Variants in DNAH11 observed in about 807,000 individuals in gnomAD.
DNAH11 encodes dynein axonemal heavy chain 11, also known as axonemal beta dynein heavy chain 11.
In DNAH11, 442 loss-of-function variants were observed where a neutral mutation model predicts 526.0. The ratio of observed to expected loss-of-function variants is 0.84; its 90% CI spans 0.78 to 0.91. The LOEUF (loss-of-function observed/expected upper bound fraction) is 0.91. Ranked by LOEUF, DNAH11 falls within the 40% of genes least tolerant of loss-of-function variation. DNAH11 has a pLI of 0.00. For synonymous variants in DNAH11, 2,461 were observed against 1,935.9 expected (o/e 1.27, Z -7.12); for missense variants, 6,989 against 5,448.7 (o/e 1.28, Z -8.90).
At position 21,787,553 on chromosome 7, in the gene DNAH11, C is replaced by G. The variant is rs574242411; in HGVS notation, c.9894C>G (p.Ala3298=). The G allele has an allele frequency of 2.5e-5, 40 of 1,612,194 alleles. No homozygotes were observed. Among genetic ancestry groups the G allele is most frequent in the Non-Finnish European group, 3.2e-5 (38 of 1,179,252 alleles). ...TKSFAAAGLC[A]WVINIIKFYE... ...CTTTTGCAGCAGCTGGCCTGTGTGCCTGGGTCATCAACATCATTAAATTCT... is the reference window on the plus strand; with the variant it reads ...CTTTTGCAGCAGCTGGCCTGTGTGCGTGGGTCATCAACATCATTAAATTCT... Residue 3298 remains alanine, a synonymous_variant, in exon 60 of 82, where the codon GCC becomes GCG. Transcript: ENST00000409508.
In DNAH11 at chr7:21,591,362, G is replaced by A; in HGVS notation, c.2452G>A (p.Ala818Thr). 1 of 1,613,924 alleles carries A rather than the reference G, an allele frequency of 6.2e-7. No individual in the cohort carries two copies. Among genetic ancestry groups the A allele is most frequent in the Non-Finnish European group, 8.5e-7 (1 of 1,179,876 alleles). The change falls in exon 14 of 82, where the codon GCA becomes ACA. Residue 818 changes from alanine to threonine, a missense_variant. Transcript: ENST00000409508. Reference sequence around the variant, plus strand: ...CTGGGGCTACATCGAGAGGGTGAGGGCAGCCACGTCCGAGTTGGAGCACAG... The same window carrying A: ...CTGGGGCTACATCGAGAGGGTGAGGACAGCCACGTCCGAGTTGGAGCACAG... ...DCWGYIERVRAATSELEHRVE... is the reference protein window; with the variant it reads ...DCWGYIERVRTATSELEHRVE...
intron 43 of DNAH11, among the ~76,000 whole-genome samples, chr7:21,718,693 G>A (rs2965413): frequency 0.074 from 11,184 of 152,104 alleles, 1,043 homozygotes; most frequent in East Asian, 0.34. Flanking sequence ...AGAAGTAGAA[G>A]ACTTCATGAA....
At chr7:21,767,171 A>G (rs1384811612) in intron 55 of DNAH11, among the ~76,000 whole-genome samples, 1 of 152,204 alleles carries the variant, frequency 6.6e-6, no homozygotes, top group African/African-American at 2.4e-5. Context: ...GAAGGGTTCA[A>G]AATGCTGCTT....
intron 63 of DNAH11, among the ~76,000 whole-genome samples, chr7:21,814,004 C>G (rs571602998): frequency 5.9e-5 from 9 of 152,290 alleles, no homozygotes; most frequent in African/African-American, 1.9e-4. Context: ...ATGAGACAGC[C>G]TATTACACAC....
intron 61 of DNAH11, among the ~76,000 whole-genome samples, chr7:21,793,860 C>G (rs948238658): frequency 6.6e-6 from 1 of 152,150 alleles, no homozygotes; most frequent in South Asian, 2.1e-4. Context: ...AACAAGCTTT[C>G]TACATCTTGC....
Position 21,880,773 on chromosome 7 carries a change from C to T in DNAH11, c.12267C>T (p.Ala4089=), listed in dbSNP as rs779248595. 6 of 1,613,874 alleles carry T rather than the reference C, an allele frequency of 3.7e-6. No homozygotes were observed. In the African/African-American group the frequency reaches 5.3e-5, roughly 14 times the overall value. Residue 4089 remains alanine (A), a synonymous_variant, in exon 75 of 82, where the codon GCC becomes GCT. Coordinates refer to ENST00000409508, the MANE Select transcript of DNAH11 (RefSeq NM_001277115.2). ...TTTTTTCTCTCTGCTACTTCCACGC[C>T]TGTGTTGCTGGGAGACTGAGGTTTG... ...SILFSLCYFH[A]CVAGRLRFGP... is the part of the protein sequence containing the mutation.
At chr7:21,561,419 G>A in intron 5 of DNAH11, 1 of 362,246 alleles carries the variant, frequency 2.8e-6, no homozygotes, top group Non-Finnish European at 4.9e-6. Context: ...TAGAATGTTT[G>A]TGGAGGAGTG....
intron 29 of DNAH11, among the ~76,000 whole-genome samples, chr7:21,656,718 G>A (rs1484081373): frequency 6.6e-6 from 1 of 152,110 alleles, no homozygotes; most frequent in Non-Finnish European, 1.5e-5. Context: ...GGTTGGGGCA[G>A]GGGTTCCTGA....
intron 49 of DNAH11, among the ~76,000 whole-genome samples, chr7:21,743,619 T>C (rs893974548): frequency 6.6e-6 from 1 of 152,210 alleles, no homozygotes; most frequent in Non-Finnish European, 1.5e-5. Context: ...CATTAGGCAG[T>C]AGCTTCTTAT....
rs192855952 is a variant in DNAH11 at position 21,758,319 on chromosome 7, C to G, written c.8941-7109C>G. Among the ~76,000 whole-genome samples the G allele has an allele frequency of 1.5e-3, 235 of 152,330 alleles. 1 individual carries two copies. Among genetic ancestry groups the G allele is most frequent in the African/African-American group, 5.5e-3 (227 of 41,580 alleles). On this transcript the variant is annotated intron_variant, in intron 54 of 81. Transcript: ENST00000409508. Reference sequence around the variant, plus strand: ...GTACTCTGTATCTGAGGTTTACCCTCTTTGAGATTAGATAAAACAGCAAAA... The same window carrying G: ...GTACTCTGTATCTGAGGTTTACCCTGTTTGAGATTAGATAAAACAGCAAAA...
chr7:21,616,422 A>G (rs1785786788), intron 22 of DNAH11, 130 bp downstream of exon 22: 4 of 684,144 alleles, frequency 5.8e-6, no homozygotes, highest in Non-Finnish European at 9.4e-6. Flanking sequence ...GATAGCAGAC[A>G]GTGTTTTTTT....
chr7:21,695,423 C>T (rs139725415), intron 35 of DNAH11, among the ~76,000 whole-genome samples: 333 of 152,206 alleles, frequency 2.2e-3, no homozygotes, highest in African/African-American at 7.6e-3. Flanking sequence ...AGAACGGAGG[C>T]CTCAGAAATA....
chr7:21,757,554 G>A (rs185982461), intron 54 of DNAH11, among the ~76,000 whole-genome samples: 13 of 152,060 alleles, frequency 8.5e-5, no homozygotes, highest in African/African-American at 9.6e-5. Flanking sequence ...AATCAACTTC[G>A]GAGGAATTAT....
chr7:21,821,514 C>A (rs2893058), intron 65 of DNAH11, among the ~76,000 whole-genome samples: 140,263 of 152,126 alleles, frequency 0.92, 64,747 homozygotes, highest in Middle Eastern at 0.95. Context: ...CATACCTTAT[C>A]GCTATATGAA....
At position 21,901,225 on chromosome 7, in the gene DNAH11, G is replaced by C; in HGVS notation, c.13522G>C (p.Ala4508Pro). The change falls in exon 82 of 82, where the codon GCT (alanine) becomes CCT (proline). Residue 4508 changes from alanine (A) to proline (P), a missense_variant. Physicochemically the swap from Ala to Pro is conservative, Grantham distance 27. Coordinates refer to ENST00000409508, the MANE Select transcript of DNAH11 (RefSeq NM_001277115.2). ...SEEKTAKWVLAGVALLLEA is the reference protein window; with the variant it reads ...SEEKTAKWVLPGVALLLEA ...AGAGAAGACTGCAAAATGGGTTCTG[G>C]CTGGAGTGGCTCTGCTTCTAGAAGC... 6.2e-7 allele frequency: 1 copy of C among 1,610,532 alleles called. No individual in the cohort carries two copies. Among genetic ancestry groups the C allele is most frequent in the Non-Finnish European group, 8.5e-7 (1 of 1,178,256 alleles).
chr7:21,608,839 AC>A (rs775509721), intron 20 of DNAH11, among the ~76,000 whole-genome samples: 152,326 of 152,334 alleles, frequency 1, 76,159 homozygotes, highest in Middle Eastern at 1. Context: ...AAAGTCAGAG[AC>A]TGTACGCTTA....
intron 52 of DNAH11, 142 bp from the exon 53 acceptor site, chr7:21,749,536 G>A: frequency 9.4e-7 from 1 of 1,063,546 alleles, no homozygotes. Flanking sequence ...GGGTCTCTCA[G>A]AGAAGGAATA....
At chr7:21,859,228 C>G (rs1207017705) in intron 68 of DNAH11, among the ~76,000 whole-genome samples, 1 of 152,132 alleles carries the variant, frequency 6.6e-6, no homozygotes, top group African/African-American at 2.4e-5. Context: ...ATTCTCCTGT[C>G]CCAGCCCCTC....
At chr7:21,556,481 G>A (rs528948430) in intron 2 of DNAH11, among the ~76,000 whole-genome samples, 3 of 152,308 alleles carry the variant, frequency 2.0e-5, no homozygotes, top group South Asian at 2.1e-4. Context: ...CAGTCTCCCA[G>A]TAGGTAATGC....
Sources: allele counts gnomAD v4.1 joint callset (sites outside exome capture counted in the v4.1 genomes callset), GRCh38; gene constraint gnomAD v4.1.1; transcripts MANE v1.5; gene names NCBI Gene and HGNC (gene_info 2026-07-23, HGNC 2026-07-21).